Variants in DLEU7 observed in about 807,000 individuals in gnomAD.
DLEU7 encodes the protein deleted in lymphocytic leukemia 7.
A neutral mutation model predicts 16.0 loss-of-function variants in DLEU7; 17 were observed. The ratio of observed to expected loss-of-function variants is 1.06; its 90% CI spans 0.73 to 1.59. The LOEUF (loss-of-function observed/expected upper bound fraction) is 1.59, where lower values mean the gene tolerates loss of function less well. DLEU7 is among the 40% of genes most tolerant of loss of function. The pLI is 0.00. For missense variants in DLEU7, 308 were observed against 314.9 expected (o/e 0.98, Z 0.17); for synonymous variants, 113 against 139.8 (o/e 0.81, Z 1.35).
At chr13:50,761,568 C>A (rs1447333565) in intron 1 of DLEU7, among the ~76,000 whole-genome samples, 1 of 151,986 alleles carries the variant, frequency 6.6e-6, no homozygotes, top group African/African-American at 2.4e-5. Context: ...ATCACATGGC[C>A]TCTCCCATCC....
At chr13:50,778,349 G>T (rs1265694156) in intron 1 of DLEU7, among the ~76,000 whole-genome samples, 1 of 152,136 alleles carries the variant, frequency 6.6e-6, no homozygotes, top group Non-Finnish European at 1.5e-5. Flanking sequence ...GACATGTGGG[G>T]ATTACGATTT....
intron 1 of DLEU7, among the ~76,000 whole-genome samples, chr13:50,727,677 G>A (rs1162096589): frequency 6.6e-6 from 1 of 152,082 alleles, no homozygotes; most frequent in Non-Finnish European, 1.5e-5. Context: ...TGTGTCTGTT[G>A]GTCTCAGTTC....
intron 1 of DLEU7, among the ~76,000 whole-genome samples, chr13:50,727,177 C>CA (rs1381018093): frequency 6.6e-6 from 1 of 151,488 alleles, no homozygotes; most frequent in Admixed American, 6.6e-5. Context: ...AAGTGTTACC[C>CA]AAAAAAAGAA....
At chr13:50,825,218 AC>A (rs1205167068) in intron 1 of DLEU7, among the ~76,000 whole-genome samples, 2 of 152,162 alleles carry the variant, frequency 1.3e-5, no homozygotes, top group Non-Finnish European at 2.9e-5. Context: ...TTTTCTTGTT[AC>A]CAATTATAAA....
chr13:50,775,760 G>T (rs534518766), intron 1 of DLEU7, among the ~76,000 whole-genome samples: 2 of 152,292 alleles, frequency 1.3e-5, no homozygotes, highest in South Asian at 4.1e-4. Flanking sequence ...GCTAGCTTTT[G>T]TTTATCTCCG....
intron 1 of DLEU7, among the ~76,000 whole-genome samples, chr13:50,787,883 G>A (rs1010660340): frequency 5.9e-5 from 9 of 152,018 alleles, no homozygotes; most frequent in African/African-American, 2.2e-4. Context: ...CATACCCATT[G>A]TCCACGTCTC....
At chr13:50,768,355 A>G (rs1346976229) in intron 1 of DLEU7, among the ~76,000 whole-genome samples, 1 of 152,024 alleles carries the variant, frequency 6.6e-6, no homozygotes, top group Admixed American at 6.6e-5. Flanking sequence ...TTACATAGGT[A>G]TACATGTGCC....
chr13:50,842,846 T>C (rs1877715256), intron 1 of DLEU7, among the ~76,000 whole-genome samples: 1 of 152,144 alleles, frequency 6.6e-6, no homozygotes, highest in East Asian at 1.9e-4. Context: ...GGGGGAGCTG[T>C]CCTCTATCCC....
At chr13:50,757,741 G>A (rs79910877) in intron 1 of DLEU7, among the ~76,000 whole-genome samples, 2,633 of 152,266 alleles carry the variant, frequency 0.017, 74 homozygotes, top group African/African-American at 0.06. Flanking sequence ...TATAAAATAG[G>A]AATTTGTTAT....
In DLEU7 at chr13:50,810,547, A is replaced by G. The variant is rs148529290; in HGVS notation, c.459+32641T>C. Among the ~76,000 whole-genome samples the G allele has an allele frequency of 1.3e-4, 20 of 152,278 alleles. No homozygotes were observed. In the East Asian group the frequency reaches 3.7e-3, roughly 28 times the overall value. ...CCAATCCTTCTCATTTAGCTATTGA[A>G]AGTTGAAGACTATATCAGTAAGTGG... On this transcript the variant is annotated intron_variant, in intron 1 of 1. Coordinates refer to the DLEU7 transcript ENST00000400393.
At chr13:50,721,154 C>A (rs1873597788) in intron 1 of DLEU7, among the ~76,000 whole-genome samples, 1 of 152,206 alleles carries the variant, frequency 6.6e-6, no homozygotes, top group South Asian at 2.1e-4. Flanking sequence ...CGGCTTTCAT[C>A]TTTTCTCCCC....
At chr13:50,820,496 A>G (rs988720422), downstream of DLEU7, among the ~76,000 whole-genome samples, 1 of 152,162 alleles carries the variant, frequency 6.6e-6, no homozygotes, top group African/African-American at 2.4e-5. Context: ...AGCCCTGCTT[A>G]TAACAGAAAC....
At chr13:50,711,779 G>GGGGGGTGGC (rs1555287138), downstream of DLEU7, 3 of 135,682 alleles carry the variant, frequency 2.2e-5, no homozygotes, top group Non-Finnish European at 4.7e-5. Context: ...TGGCGGGGGC[G>GGGGGGTGGC]GGGGGCATTA....
intron 1 of DLEU7, among the ~76,000 whole-genome samples, chr13:50,780,411 G>A (rs1320335629): frequency 6.6e-6 from 1 of 152,150 alleles, no homozygotes; most frequent in East Asian, 1.9e-4. Flanking sequence ...TTTTACTAAC[G>A]ACTCATTTGT....
chr13:50,737,145 T>G (rs1172496283), intron 1 of DLEU7, among the ~76,000 whole-genome samples: 1 of 152,036 alleles, frequency 6.6e-6, no homozygotes, highest in South Asian at 2.1e-4. Context: ...AATAAAACCT[T>G]AATACAAAAA....
At chr13:50,799,743 C>A (rs560564144) in intron 1 of DLEU7, among the ~76,000 whole-genome samples, 316 of 152,236 alleles carry the variant, frequency 2.1e-3, no homozygotes, top group Non-Finnish European at 3.6e-3. Flanking sequence ...TATATTAGGA[C>A]CCTCTTGTTT....
chr13:50,782,539 C>T (rs1009799719), intron 1 of DLEU7, among the ~76,000 whole-genome samples: 20 of 152,140 alleles, frequency 1.3e-4, no homozygotes, highest in African/African-American at 4.1e-4. Flanking sequence ...TATCTCCAAC[C>T]ATTTTATCCT....
At chr13:50,782,774 G>GAAA (rs57072824) in intron 1 of DLEU7, among the ~76,000 whole-genome samples, 30 of 130,160 alleles carry the variant, frequency 2.3e-4, no homozygotes, top group Non-Finnish European at 3.3e-4. Flanking sequence ...ACTGTCTACA[G>GAAA]AAAAAAAAAA....
downstream of DLEU7, among the ~76,000 whole-genome samples, chr13:50,820,625 G>T (rs969057947): frequency 6.6e-6 from 1 of 152,124 alleles, no homozygotes; most frequent in South Asian, 2.1e-4. Flanking sequence ...CATCAGCTGA[G>T]AATGAGAAGA....
Sources: gnomAD v4.1 joint callset for allele counts (sites outside exome capture counted in the v4.1 genomes callset) on GRCh38, gnomAD v4.1.1 for gene constraint, MANE v1.5 for transcripts, NCBI Gene and HGNC (gene_info 2026-07-23, HGNC 2026-07-21) for gene names.